UGGT2: variants seen among roughly 807,000 people sequenced by gnomAD.
UGGT2 encodes UDP-glucose glycoprotein glucosyltransferase 2.
Under a neutral mutation model 192.1 loss-of-function variants are expected in UGGT2, and 180 were observed. That is an observed-to-expected ratio of 0.94 (90% CI 0.83 to 1.06). UGGT2 has a LOEUF of 1.06. Ranked by LOEUF, UGGT2 falls within the 50% of genes least tolerant of loss-of-function variation. UGGT2 has a pLI of 0.00. For missense variants in UGGT2, 1,849 were observed against 1,795.7 expected, an observed-to-expected ratio of 1.03 and a Z score of -0.54; for synonymous variants, 580 against 591.0, an observed-to-expected ratio of 0.98 and a Z score of 0.27.
chr13:95,873,339 T>C (rs1891384075), intron 29 of UGGT2, among the ~76,000 whole-genome samples: 2 of 152,254 alleles, frequency 1.3e-5, no homozygotes, highest in African/African-American at 4.8e-5. Context: ...TTCTTGACTA[T>C]CTTTTCTACT....
chr13:95,935,529 T>G (rs1057164943), intron 17 of UGGT2, among the ~76,000 whole-genome samples: 1 of 152,218 alleles, frequency 6.6e-6, no homozygotes, highest in Non-Finnish European at 1.5e-5. Context: ...CCTTCGTATG[T>G]GATCTGCCTT....
intron 1 of UGGT2, among the ~76,000 whole-genome samples, chr13:96,044,566 AG>A (rs2139215111): frequency 6.6e-6 from 1 of 152,284 alleles, no homozygotes; most frequent in East Asian, 1.9e-4. Flanking sequence ...ACAAAAAGCT[AG>A]TTCTTTGAAA....
At chr13:96,012,532 T>C (rs2052194820) in intron 5 of UGGT2, among the ~76,000 whole-genome samples, 1 of 151,872 alleles carries the variant, frequency 6.6e-6, no homozygotes, top group Non-Finnish European at 1.5e-5. Context: ...AAAACACCTA[T>C]AAACCAATGA....
At chr13:95,835,967 T>C (rs1003116853) in intron 37 of UGGT2, among the ~76,000 whole-genome samples, 3 of 152,200 alleles carry the variant, frequency 2.0e-5, no homozygotes, top group African/African-American at 7.2e-5. Flanking sequence ...GGGGAAAATA[T>C]TGGCAGGATA....
chr13:95,838,899 G>A (rs1002359618), intron 36 of UGGT2, among the ~76,000 whole-genome samples: 3 of 152,062 alleles, frequency 2.0e-5, no homozygotes, highest in African/African-American at 7.2e-5. Flanking sequence ...ACTCCACTGA[G>A]TACTCAGATA....
At chr13:95,968,782 G>A in intron 12 of UGGT2, among the ~76,000 whole-genome samples, 1 of 152,004 alleles carries the variant, frequency 6.6e-6, no homozygotes, top group African/African-American at 2.4e-5. Context: ...AGGTAAGCAT[G>A]GCCTAATACA....
At chr13:95,891,951 A>G (rs1243940604) in intron 24 of UGGT2, among the ~76,000 whole-genome samples, 2 of 152,242 alleles carry the variant, frequency 1.3e-5, no homozygotes, top group East Asian at 3.9e-4. Flanking sequence ...AATTATCTTA[A>G]AATAAGAGGG....
rs1890161921 is a variant in UGGT2 at position 95,861,479 on chromosome 13, A to G, written c.3645-596T>C. 2.0e-5 allele frequency among the ~76,000 whole-genome samples: 3 copies of G among 152,130 alleles called. No individual in the cohort carries two copies. The South Asian group carries it at 6.2e-4, about 32-fold the overall frequency. On this transcript the variant is annotated intron_variant, in intron 31 of 38. Coordinates refer to ENST00000376747, the MANE Select transcript of UGGT2 (RefSeq NM_020121.4). ...GAACCATGTCTACTTACTGGTTTAC[A>G]TCATGGTAGCGTCATCTGGGCCCAG...
At chr13:96,022,087 T>C (rs1410714794) in intron 4 of UGGT2, among the ~76,000 whole-genome samples, 1 of 151,752 alleles carries the variant, frequency 6.6e-6, no homozygotes, top group Non-Finnish European at 1.5e-5. Flanking sequence ...GCAATAAATA[T>C]TAAAACAGTA....
intron 7 of UGGT2, chr13:95,990,586 T>G (rs1566801418): frequency 6.6e-6 from 1 of 152,260 alleles, no homozygotes; most frequent in Non-Finnish European, 1.5e-5. Flanking sequence ...TGTAGTAGAA[T>G]GGTATTTTAC....
Position 95,930,998 on chromosome 13 carries a change from C to T in UGGT2, c.1978-3662G>A, listed in dbSNP as rs1041498626. 5.3e-5 allele frequency among the ~76,000 whole-genome samples: 8 copies of T among 152,170 alleles called. No individual in the cohort carries two copies. The South Asian group carries it at 6.2e-4, about 12-fold the overall frequency. ...CCCACAGCATGGAAAGGGACCCAAG[C>T]GGGTTGCCACGGCTGGCTTGGGCAG... On this transcript the variant is annotated intron_variant, in intron 17 of 38. Coordinates refer to ENST00000376747, the MANE Select transcript of UGGT2 (RefSeq NM_020121.4).
In UGGT2 at chr13:95,866,664, T is replaced by C. The variant is rs150510699; in HGVS notation, c.3558+675A>G. On this transcript the variant is annotated intron_variant, in intron 30 of 38. Transcript: ENST00000376747. ...TAGAGGGTCTTCTAATAGATTATTTTATGTGGGTCCTGGGTTCTAATTTTT... is the reference window on the plus strand; with the variant it reads ...TAGAGGGTCTTCTAATAGATTATTTCATGTGGGTCCTGGGTTCTAATTTTT... Among the ~76,000 whole-genome samples, 8 of 152,266 alleles carry C rather than the reference T, an allele frequency of 5.3e-5. No individual in the cohort carries two copies. In the East Asian group the frequency reaches 1.5e-3, roughly 29 times the overall value.
Position 95,949,466 on chromosome 13 carries a change from C to A in UGGT2, c.1336-12G>T. ...AAGTCATTAATCCACTAGAAAAGAA[C>A]GCAGACACTTGTGAAAGCTATATTA... On this transcript the variant is annotated splice_polypyrimidine_tract_variant and intron_variant, in intron 12 of 38. Coordinates refer to ENST00000376747, the MANE Select transcript of UGGT2 (RefSeq NM_020121.4). The A allele has an allele frequency of 1.4e-6, 2 of 1,446,876 alleles. No individual in the cohort carries two copies. Among genetic ancestry groups the A allele is most frequent in the South Asian group, 1.6e-5 (1 of 60,614 alleles). 89.6% of individuals were successfully genotyped at this position (1,446,876 alleles called of 1,614,324 possible). A position where few individuals can be genotyped will look rare whatever the true frequency, so the allele number is the denominator to read the frequency against.
At chr13:95,981,317 A>G (rs2051116801) in intron 10 of UGGT2, among the ~76,000 whole-genome samples, 1 of 9,128 alleles carries the variant, frequency 1.1e-4, no homozygotes, top group African/African-American at 1.5e-4. Flanking sequence ...ACAAAAAATT[A>G]GCCGGGCGTG....
At chr13:96,052,379 G>A (rs1282019879) in intron 1 of UGGT2, among the ~76,000 whole-genome samples, 1 of 152,034 alleles carries the variant, frequency 6.6e-6, no homozygotes, top group Non-Finnish European at 1.5e-5. Flanking sequence ...ATATACTGAT[G>A]GGGTGATGGG....
chr13:95,980,678 G>C (rs183706348), intron 10 of UGGT2, among the ~76,000 whole-genome samples: 1 of 152,316 alleles, frequency 6.6e-6, no homozygotes, highest in Non-Finnish European at 1.5e-5. Context: ...GCGCCCTCTA[G>C]TGGGAAGATG....
Position 96,034,725 on chromosome 13 carries a change from C to G in UGGT2, c.159-2754G>C, listed in dbSNP as rs562206116. Among the ~76,000 whole-genome samples, 5 of 152,326 alleles carry G rather than the reference C, an allele frequency of 3.3e-5. No homozygotes were observed. The East Asian group carries it at 7.7e-4, about 24-fold the overall frequency. ...GCAGTGGAAGCCACCTGCAGTATGC[C>G]TGGTCGAGCCACAGTCTTGTACAAA... On this transcript the variant is annotated intron_variant, in intron 1 of 38. Transcript: ENST00000376747.
At chr13:95,844,361 G>A (rs1888177203) in intron 36 of UGGT2, among the ~76,000 whole-genome samples, 1 of 152,174 alleles carries the variant, frequency 6.6e-6, no homozygotes, top group South Asian at 2.1e-4. Context: ...AAAATAGAGA[G>A]TAATGTTTTT....
At chr13:95,992,256 G>A (rs962571694) in intron 7 of UGGT2, among the ~76,000 whole-genome samples, 2 of 152,184 alleles carry the variant, frequency 1.3e-5, no homozygotes, top group African/African-American at 4.8e-5. Flanking sequence ...AGTTTGACAG[G>A]AATAGCACTG....
Sources: allele counts gnomAD v4.1 joint callset (sites outside exome capture counted in the v4.1 genomes callset), GRCh38; gene constraint gnomAD v4.1.1; transcripts MANE v1.5; gene names NCBI Gene and HGNC (gene_info 2026-07-23, HGNC 2026-07-21).